The following DLGAP2 variants were observed in gnomAD, a reference collection of about 807,000 sequenced individuals.
DLGAP2 encodes the protein DLG associated protein 2.
In DLGAP2, 26 loss-of-function variants were observed where a neutral mutation model predicts 100.3. The observed-to-expected ratio is 0.26, with a 90% CI of 0.19 to 0.36. The LOEUF is 0.36. Ranked by LOEUF, DLGAP2 falls within the 10% of genes least tolerant of loss-of-function variation. The probability of loss-of-function intolerance (pLI) is 1.00; values close to 1 mark genes in which losing one functional copy is unlikely to be tolerated. For synonymous variants in DLGAP2, 886 were observed against 630.1 expected, an observed-to-expected ratio of 1.41 and a Z score of -6.08; for missense variants, 1,858 against 1,453.2, an observed-to-expected ratio of 1.28 and a Z score of -4.53.
At chr8:967,718 T>C (rs1315067450) in intron 2 of DLGAP2, among the ~76,000 whole-genome samples, 3 of 138,896 alleles carry the variant, frequency 2.2e-5, no homozygotes, top group East Asian at 4.4e-4. Context: ...GTTTTACTAC[T>C]GTATAAAATC....
At chr8:1,108,992 A>G (rs1279247655) in intron 2 of DLGAP2, among the ~76,000 whole-genome samples, 481 of 91,382 alleles carry the variant, frequency 5.3e-3, no homozygotes, top group Middle Eastern at 0.02. Flanking sequence ...AGGTGTGCAC[A>G]TGCCTATGAA....
chr8:1,693,737 G>A (rs542394643), intron 13 of DLGAP2, among the ~76,000 whole-genome samples: 4 of 152,200 alleles, frequency 2.6e-5, no homozygotes, highest in Middle Eastern at 3.4e-3. Flanking sequence ...AGTTCACGGC[G>A]ATTTTAAAGA....
chr8:1,678,742 G>A (rs2293907), intron 12 of DLGAP2, 113 bp downstream of exon 12: 304,172 of 1,181,470 alleles, frequency 0.26, 47,313 homozygotes, highest in African/African-American at 0.58. Context: ...CAAGTGAAGG[G>A]AAATAAATGT....
chr8:1,411,460 C>A (rs10086365), intron 3 of DLGAP2, among the ~76,000 whole-genome samples: 1 of 152,158 alleles, frequency 6.6e-6, no homozygotes, highest in African/African-American at 2.4e-5. Flanking sequence ...CCACTTGTGC[C>A]GAAGATATAA....
At chr8:789,190 A>G (rs1232286958) in intron 1 of DLGAP2, among the ~76,000 whole-genome samples, 3 of 152,222 alleles carry the variant, frequency 2.0e-5, no homozygotes, top group African/African-American at 4.8e-5. Context: ...TCACTCTGCT[A>G]TAAAGAAATA....
chr8:1,617,623 G>T (rs149849240), intron 6 of DLGAP2, among the ~76,000 whole-genome samples: 352 of 152,248 alleles, frequency 2.3e-3, no homozygotes, highest in African/African-American at 8.1e-3. Flanking sequence ...ACCTTTGTTG[G>T]ATGCATAGTT....
At chr8:1,376,341 C>T (rs566464183) in intron 3 of DLGAP2, among the ~76,000 whole-genome samples, 8 of 152,226 alleles carry the variant, frequency 5.3e-5, no homozygotes, top group African/African-American at 1.2e-4. Flanking sequence ...TCCTGTGCAC[C>T]GCAGTCCCTC....
intron 3 of DLGAP2, among the ~76,000 whole-genome samples, chr8:1,433,859 T>C (rs1357390988): frequency 2.0e-5 from 3 of 150,984 alleles, no homozygotes; most frequent in Non-Finnish European, 4.4e-5. Context: ...TGTTCTAAAT[T>C]TCTCCATGAT....
chr8:841,730 C>G (rs1274320336), intron 1 of DLGAP2, among the ~76,000 whole-genome samples: 1 of 150,586 alleles, frequency 6.6e-6, no homozygotes, highest in Non-Finnish European at 1.5e-5. Flanking sequence ...GCAGGTGCCG[C>G]CCCCCACACC....
chr8:921,488 T>G (rs960832000), intron 2 of DLGAP2, among the ~76,000 whole-genome samples: 8 of 152,256 alleles, frequency 5.3e-5, no homozygotes, highest in African/African-American at 1.7e-4. Flanking sequence ...TGAGCATTTC[T>G]GTGGCCACGT....
At chr8:1,618,866 C>T (rs1337630167) in intron 6 of DLGAP2, among the ~76,000 whole-genome samples, 1 of 152,074 alleles carries the variant, frequency 6.6e-6, no homozygotes, top group Admixed American at 6.6e-5. Flanking sequence ...TGGCACCTGT[C>T]CAGTAGACAC....
At chr8:1,070,960 C>G (rs931883066) in intron 2 of DLGAP2, among the ~76,000 whole-genome samples, 2 of 152,206 alleles carry the variant, frequency 1.3e-5, no homozygotes, top group Admixed American at 6.5e-5. Flanking sequence ...AGCCTGTGTT[C>G]CGATGGCTGC....
intron 3 of DLGAP2, among the ~76,000 whole-genome samples, chr8:1,344,857 G>C (rs1801518487): frequency 1.3e-5 from 2 of 152,172 alleles, no homozygotes; most frequent in East Asian, 3.9e-4. Flanking sequence ...TAATGAATGA[G>C]AGACTGGACT....
At chr8:1,694,522 T>C (rs767622232) in intron 13 of DLGAP2, among the ~76,000 whole-genome samples, 3 of 152,170 alleles carry the variant, frequency 2.0e-5, no homozygotes, top group Non-Finnish European at 2.9e-5. Flanking sequence ...AGAAGGCACA[T>C]AATACCGGAA....
intron 5 of DLGAP2, among the ~76,000 whole-genome samples, chr8:1,557,717 C>T (rs1444298630): frequency 1.3e-5 from 2 of 152,208 alleles, no homozygotes; most frequent in Non-Finnish European, 1.5e-5. Context: ...TGAGCCTCTC[C>T]TGGGCACGCA....
intron 1 of DLGAP2, among the ~76,000 whole-genome samples, chr8:756,505 C>T (rs1204322150): frequency 6.6e-6 from 1 of 152,112 alleles, no homozygotes; most frequent in Non-Finnish European, 1.5e-5. Context: ...CCATCCAGGC[C>T]TTGTTCTTTA....
At chr8:1,370,530 T>G (rs532889107) in intron 3 of DLGAP2, among the ~76,000 whole-genome samples, 57 of 152,368 alleles carry the variant, frequency 3.7e-4, no homozygotes, top group African/African-American at 1.3e-3. Context: ...CACATTTCTT[T>G]TGTGTTTCAT....
Position 917,378 on chromosome 8 carries a change from A to G in DLGAP2, c.73+9412A>G, listed in dbSNP as rs998654766. Among the ~76,000 whole-genome samples, 9 of 151,946 alleles carry G rather than the reference A, an allele frequency of 5.9e-5. 1 individual carries two copies. In the South Asian group the frequency reaches 1.7e-3, roughly 28 times the overall value. ...CTCAGCCCCTCAAGTAGCTGAGACT[A>G]CAGGTGTGCGCCACCACACCCAGCT... On this transcript the variant is annotated intron_variant, in intron 2 of 14. Coordinates refer to ENST00000637795, the MANE Select transcript of DLGAP2 (RefSeq NM_001346810.2).
intron 1 of DLGAP2, among the ~76,000 whole-genome samples, chr8:829,882 C>T (rs1796750072): frequency 6.6e-6 from 1 of 152,114 alleles, no homozygotes; most frequent in African/African-American, 2.4e-5. Context: ...ATGAGGTTCC[C>T]CATTACATGC....
Sources: allele counts gnomAD v4.1 joint callset (sites outside exome capture counted in the v4.1 genomes callset), GRCh38; gene constraint gnomAD v4.1.1; transcripts MANE v1.5; gene names NCBI Gene and HGNC (gene_info 2026-07-23, HGNC 2026-07-21).